OSBP2: variants seen among roughly 807,000 people sequenced by gnomAD.
The protein encoded by OSBP2 is oxysterol-binding protein 2.
A neutral mutation model predicts 96.0 loss-of-function variants in OSBP2; 66 were observed. The ratio of observed to expected loss-of-function variants is 0.69; its 90% CI spans 0.56 to 0.84. OSBP2 has a LOEUF of 0.84. Among genes scored for constraint, OSBP2 ranks in the 40% least tolerant of loss-of-function variants. The pLI is 0.00. For synonymous variants in OSBP2, 525 were observed against 520.9 expected (o/e 1.01, Z -0.11); for missense variants, 1,038 against 1,222.7 (o/e 0.85, Z 2.25).
Position 30,870,473 on chromosome 22 carries a change from A to T in OSBP2, c.898A>T (p.Ser300Cys). The change falls in exon 3 of 14, where the codon AGC (serine) becomes TGC (cysteine). Residue 300 changes from serine to cysteine, a missense_variant. By Grantham distance (112) the Ser-to-Cys change is moderately radical. Transcript: ENST00000332585. This position sits in a 1 kb window ranked among gnomAD's most constrained non-coding sequence, Gnocchi z 4.1. ...CGAGGCTACCACCCCAGCCGACAAG[A>T]GCGAGCTGCACCACACCCTGAAGAA... The part of the protein sequence containing the change: ...DDEATTPADK[S>C]ELHHTLKNLS... The T allele has an allele frequency of 6.2e-7, 1 of 1,614,056 alleles. No individual in the cohort carries two copies. Among genetic ancestry groups the T allele is most frequent in the Non-Finnish European group, 8.5e-7 (1 of 1,180,012 alleles).
chr22:30,843,314 T>C (rs892884037), intron 2 of OSBP2, among the ~76,000 whole-genome samples: 6 of 152,086 alleles, frequency 3.9e-5, no homozygotes, highest in Admixed American at 6.6e-5. Flanking sequence ...AGAGACCCCA[T>C]TGGTGGCAAA....
chr22:30,707,063 C>T (rs533423733), intron 1 of OSBP2, among the ~76,000 whole-genome samples: 2 of 152,254 alleles, frequency 1.3e-5, no homozygotes, highest in South Asian at 4.2e-4. Flanking sequence ...GAGTGCTGGG[C>T]CTAGGGCCTT....
intron 2 of OSBP2, among the ~76,000 whole-genome samples, chr22:30,794,976 T>C (rs1246602485): frequency 6.6e-6 from 1 of 150,480 alleles, no homozygotes; most frequent in African/African-American, 2.5e-5. Flanking sequence ...AGTGGCGCAA[T>C]CTCTGCTCAC....
chr22:30,796,021 C>T (rs1328010444), intron 2 of OSBP2, among the ~76,000 whole-genome samples: 2 of 152,166 alleles, frequency 1.3e-5, no homozygotes, highest in Admixed American at 1.3e-4. Flanking sequence ...CCTAGATATG[C>T]CAAGTGGTTT....
intron 2 of OSBP2, among the ~76,000 whole-genome samples, chr22:30,749,845 T>C (rs932396114): frequency 2.6e-5 from 4 of 152,002 alleles, no homozygotes; most frequent in Non-Finnish European, 1.5e-5. Flanking sequence ...TGGCCTCAAG[T>C]GATCTGCCCA....
rs778071783 is a variant in OSBP2 at position 30,695,200 on chromosome 22, A to C, written c.291A>C (p.Pro97=). 6.2e-7 allele frequency: 1 copy of C among 1,612,968 alleles called. No homozygotes were observed. The highest frequency in any genetic ancestry group is 2.2e-5 in the East Asian group (1 of 44,842). The change falls in exon 1 of 14, where the codon CCA becomes CCC. Residue 97 remains proline, a synonymous_variant. Coordinates refer to ENST00000332585, the MANE Select transcript of OSBP2 (RefSeq NM_030758.4). ...AGCCGGAGCCAGGGGCTGGGCAGCC[A>C]TCGGAACTGCTGCAGGGGTCGCGGC... ...TSEPEPGAGQ[P]SELLQGSRPG... is the part of the protein sequence containing the mutation.
intron 1 of OSBP2, among the ~76,000 whole-genome samples, chr22:30,725,547 A>AC (rs1014690899): frequency 1.1e-4 from 17 of 149,542 alleles, no homozygotes; most frequent in Admixed American, 1.1e-3. Flanking sequence ...AACAAAAACA[A>AC]AAAAAAAAAC....
At chr22:30,798,035 A>G (rs757923116) in intron 2 of OSBP2, among the ~76,000 whole-genome samples, 1 of 152,218 alleles carries the variant, frequency 6.6e-6, no homozygotes, top group Non-Finnish European at 1.5e-5. Flanking sequence ...CAGCTGCTCA[A>G]CCATTTTATA....
intron 2 of OSBP2, among the ~76,000 whole-genome samples, chr22:30,848,160 C>T (rs1250537350): frequency 6.6e-6 from 1 of 151,900 alleles, no homozygotes; most frequent in East Asian, 1.9e-4. Context: ...TTTAAATAAC[C>T]AGTCTCTTTT....
chr22:30,712,669 G>A (rs576687448), intron 1 of OSBP2, among the ~76,000 whole-genome samples: 1 of 152,254 alleles, frequency 6.6e-6, no homozygotes, highest in African/African-American at 2.4e-5. Flanking sequence ...TTTTACAGAT[G>A]GGGAAAACAA....
At chr22:30,834,379 C>A (rs1479717644) in intron 2 of OSBP2, among the ~76,000 whole-genome samples, 3 of 152,134 alleles carry the variant, frequency 2.0e-5, no homozygotes, top group Non-Finnish European at 4.4e-5. Flanking sequence ...AGTGGGATTG[C>A]TAGGTAATAT....
chr22:30,806,898 T>G (rs116191240), intron 2 of OSBP2, among the ~76,000 whole-genome samples: 1 of 152,278 alleles, frequency 6.6e-6, no homozygotes, highest in African/African-American at 2.4e-5. Flanking sequence ...TTAAAGGTTA[T>G]TCAGTTGAGT....
intron 2 of OSBP2, 110 bp downstream of exon 2, chr22:30,741,479 C>A: frequency 2.4e-6 from 2 of 850,794 alleles, no homozygotes; most frequent in Non-Finnish European, 1.8e-6. Flanking sequence ...CCCAGGCCAG[C>A]GTGGATCAAT....
At chr22:30,848,638 T>C (rs2038918292) in intron 2 of OSBP2, among the ~76,000 whole-genome samples, 1 of 152,194 alleles carries the variant, frequency 6.6e-6, no homozygotes, top group Non-Finnish European at 1.5e-5. Flanking sequence ...TTATGCACTA[T>C]AGTTTTACTT....
At chr22:30,795,600 A>G (rs1453350767) in intron 2 of OSBP2, among the ~76,000 whole-genome samples, 1 of 147,782 alleles carries the variant, frequency 6.8e-6, no homozygotes, top group Non-Finnish European at 1.5e-5. Flanking sequence ...GCTCACCACA[A>G]CCTCCGCCTC....
intron 2 of OSBP2, among the ~76,000 whole-genome samples, chr22:30,813,168 ATT>A (rs2091032897): frequency 2.5e-5 from 3 of 118,774 alleles, no homozygotes; most frequent in African/African-American, 9.7e-5. Context: ...ACGATGTTGC[ATT>A]CTTTTTTTTT....
intron 2 of OSBP2, among the ~76,000 whole-genome samples, chr22:30,868,819 G>A (rs182980548): frequency 8.5e-5 from 13 of 152,316 alleles, no homozygotes; most frequent in Middle Eastern, 3.4e-3. Flanking sequence ...ACGTGCACTC[G>A]GAACAGTGAC....
At chr22:30,770,897 C>G (rs2090338437) in intron 2 of OSBP2, among the ~76,000 whole-genome samples, 2 of 152,184 alleles carry the variant, frequency 1.3e-5, no homozygotes, top group Admixed American at 6.5e-5. Flanking sequence ...CAGCTCAGAG[C>G]AGGTACCCTG....
chr22:30,905,037 T>G (rs552757101), intron 12 of OSBP2, among the ~76,000 whole-genome samples: 1 of 149,636 alleles, frequency 6.7e-6, no homozygotes, highest in Non-Finnish European at 1.5e-5. Context: ...CTCAGGAGGC[T>G]AAGGCAGGAG....
Sources: allele counts gnomAD v4.1 joint callset (sites outside exome capture counted in the v4.1 genomes callset), GRCh38; gene constraint gnomAD v4.1.1; non-coding constraint Gnocchi (gnomAD v3.1); transcripts MANE v1.5; gene names NCBI Gene and HGNC (gene_info 2026-07-23, HGNC 2026-07-21).